Variants in TTC39C observed in about 807,000 individuals in gnomAD.
TTC39C encodes tetratricopeptide repeat protein 39C.
In TTC39C, 33 loss-of-function variants were observed where a neutral mutation model predicts 76.3. The ratio of observed to expected loss-of-function variants is 0.43; its 90% CI spans 0.33 to 0.58. The LOEUF is 0.58. TTC39C is among the 20% of genes least tolerant of loss of function. The pLI, the probability that TTC39C is intolerant of heterozygous loss-of-function variation, is 0.04. For missense variants in TTC39C, 595 were observed against 701.4 expected, an observed-to-expected ratio of 0.85 and a Z score of 1.71; for synonymous variants, 254 against 260.6, an observed-to-expected ratio of 0.97 and a Z score of 0.24.
At chr18:24,045,411 T>TA (rs1480900421) in intron 1 of TTC39C, among the ~76,000 whole-genome samples, 1 of 152,196 alleles carries the variant, frequency 6.6e-6, no homozygotes, top group African/African-American at 2.4e-5. Context: ...TCCTATGGCT[T>TA]AAAAATAAAA....
chr18:24,118,592 A>G (rs1372502961), intron 8 of TTC39C, among the ~76,000 whole-genome samples: 1 of 151,372 alleles, frequency 6.6e-6, no homozygotes, highest in Non-Finnish European at 1.5e-5. Flanking sequence ...TTAATATGCT[A>G]TGTTTTTTAT....
intron 4 of TTC39C, among the ~76,000 whole-genome samples, chr18:24,078,820 C>T (rs1207752104): frequency 2.0e-5 from 3 of 152,170 alleles, no homozygotes; most frequent in Non-Finnish European, 4.4e-5. Context: ...AGTTTAGGTG[C>T]ACACAGTGAG....
At position 24,118,342 on chromosome 18, in the gene TTC39C, A is replaced by C. The variant is rs2084922365; in HGVS notation, c.1186+110A>C. On this transcript the variant is annotated intron_variant, in intron 8 of 13. Transcript: ENST00000317571. ...GAGGAAGCAAAAGTTGTACCCCTCC[A>C]CAGCCTTCCCCAGCATGTTAATGTT... The C allele has an allele frequency of 4.2e-6, 3 of 722,096 alleles. No individual in the cohort carries two copies. The Admixed American group carries it at 7.6e-5, about 18-fold the overall frequency. The allele number at this position is 722,096 out of a possible 1,614,324, so 44.7% of individuals were successfully genotyped here.
intron 4 of TTC39C, chr18:24,076,649 A>G (rs1223558128): frequency 6.6e-6 from 1 of 152,092 alleles, no homozygotes; most frequent in East Asian, 1.9e-4. Context: ...TGGACGCAGA[A>G]TGTAGTAAAA....
At chr18:24,023,996 A>ACG (rs1469728616) in intron 1 of TTC39C, among the ~76,000 whole-genome samples, 2 of 3,956 alleles carry the variant, frequency 5.1e-4, no homozygotes, top group African/African-American at 7.6e-4. Flanking sequence ...ATATATATAT[A>ACG]TATATATATA....
chr18:24,005,972 T>C (rs561673325), intron 1 of TTC39C, among the ~76,000 whole-genome samples: 28 of 152,178 alleles, frequency 1.8e-4, no homozygotes, highest in African/African-American at 6.7e-4. Flanking sequence ...TTAGAATGTA[T>C]GTGTGTGCCT....
intron 1 of TTC39C, among the ~76,000 whole-genome samples, chr18:24,035,890 A>C (rs1399092804): frequency 6.6e-6 from 1 of 151,908 alleles, no homozygotes; most frequent in Non-Finnish European, 1.5e-5. Flanking sequence ...TCTGTTTTCT[A>C]ATAAGAGTTT....
In TTC39C at chr18:24,135,358, T is replaced by G. The variant is rs1012202838; in HGVS notation, c.*2784T>G. The G allele has an allele frequency of 2.6e-5, 4 of 152,636 alleles. No individual in the cohort carries two copies. Among genetic ancestry groups the G allele is most frequent in the South Asian group, 4.1e-4 (2 of 4,822 alleles). 9.5% of individuals were successfully genotyped at this position (152,636 alleles called of 1,614,324 possible). The stretch of plus-strand genomic sequence containing the variant: ...GTACAGATGGCGCCTGTGGTAAATC[T>G]GTGTTAACATGGTGGTAGACCATGG... On this transcript the variant is annotated 3_prime_UTR_variant, in exon 14 of 14. Coordinates refer to ENST00000317571, the MANE Select transcript of TTC39C (RefSeq NM_001135993.2).
intron 1 of TTC39C, among the ~76,000 whole-genome samples, chr18:24,056,273 G>A (rs1242143034): frequency 6.6e-6 from 1 of 152,170 alleles, no homozygotes; most frequent in East Asian, 1.9e-4. Flanking sequence ...ACAGCTGTGG[G>A]CTGATTAGAT....
In TTC39C at chr18:24,054,815, G is replaced by T. The variant is rs566926242; in HGVS notation, c.168-9325G>T. 6.6e-4 allele frequency among the ~76,000 whole-genome samples: 101 copies of T among 152,184 alleles called. No individual in the cohort carries two copies. In the Middle Eastern group the frequency reaches 0.017, roughly 26 times the overall value. ...CAGTTCAGTCATGTTAAGTACATAT[G>T]CATTGTTTTGCAGCCAATCTGCAGA... On this transcript the variant is annotated intron_variant, in intron 1 of 13. Coordinates refer to ENST00000317571, the MANE Select transcript of TTC39C (RefSeq NM_001135993.2).
chr18:24,097,174 A>G (rs1433426808), intron 6 of TTC39C, among the ~76,000 whole-genome samples: 1 of 152,170 alleles, frequency 6.6e-6, no homozygotes, highest in African/African-American at 2.4e-5. Context: ...ACTTTCTTAA[A>G]ACAATCTCAT....
At chr18:24,091,468 A>G (rs533031172) in intron 6 of TTC39C, among the ~76,000 whole-genome samples, 13 of 152,200 alleles carry the variant, frequency 8.5e-5, no homozygotes, top group Non-Finnish European at 1.6e-4. Flanking sequence ...CACAGATGCA[A>G]AAGAATGAAG....
At chr18:24,070,822 G>A (rs558728797) in intron 4 of TTC39C, among the ~76,000 whole-genome samples, 53 of 152,192 alleles carry the variant, frequency 3.5e-4, no homozygotes, top group Middle Eastern at 3.4e-3. Flanking sequence ...CAGCCTGGGT[G>A]ACAGAGTGAG....
At chr18:24,131,000 A>G (rs1486361234) in intron 12 of TTC39C, among the ~76,000 whole-genome samples, 6 of 140,282 alleles carry the variant, frequency 4.3e-5, no homozygotes, top group African/African-American at 1.7e-4. Context: ...CCTGGGCAAC[A>G]AAGTGAAACC....
upstream of TTC39C, among the ~76,000 whole-genome samples, chr18:24,009,945 A>G (rs1292272621): frequency 1.3e-5 from 2 of 152,262 alleles, no homozygotes; most frequent in Non-Finnish European, 2.9e-5. Context: ...CACACATCCA[A>G]CTGCAAAAAC....
intron 1 of TTC39C, among the ~76,000 whole-genome samples, chr18:24,045,927 A>ATTTTTTTTTT (rs1156578816): frequency 1.9e-4 from 5 of 25,674 alleles, no homozygotes; most frequent in Non-Finnish European, 1.9e-4. Flanking sequence ...ATATATATAT[A>ATTTTTTTTTT]TTTTTTTTTT....
At chr18:24,038,134 C>T (rs191572022) in intron 1 of TTC39C, among the ~76,000 whole-genome samples, 9 of 152,236 alleles carry the variant, frequency 5.9e-5, no homozygotes, top group Non-Finnish European at 1.0e-4. Context: ...TCTTTATTTT[C>T]ATATATAAAC....
At chr18:23,996,295 C>T (rs781323518) in intron 1 of TTC39C, among the ~76,000 whole-genome samples, 32 of 152,194 alleles carry the variant, frequency 2.1e-4, no homozygotes, top group Non-Finnish European at 4.0e-4. Context: ...GGCAGTGCAT[C>T]GAAAACTTCC....
intron 1 of TTC39C, among the ~76,000 whole-genome samples, chr18:24,037,354 T>G (rs1438889339): frequency 6.6e-6 from 1 of 152,224 alleles, no homozygotes; most frequent in Non-Finnish European, 1.5e-5. Flanking sequence ...CTCCTTGAGA[T>G]TAAGAATTTT....
Sources: allele counts gnomAD v4.1 joint callset (sites outside exome capture counted in the v4.1 genomes callset), GRCh38; gene constraint gnomAD v4.1.1; transcripts MANE v1.5; gene names NCBI Gene and HGNC (gene_info 2026-07-23, HGNC 2026-07-21).